LRMDA: variants seen among roughly 807,000 people sequenced by gnomAD.
LRMDA encodes the protein leucine-rich melanocyte differentiation-associated protein.
A neutral mutation model predicts 29.8 loss-of-function variants in LRMDA; 18 were observed. That is an observed-to-expected ratio of 0.60 (90% CI 0.42 to 0.90). The LOEUF (loss-of-function observed/expected upper bound fraction) is 0.90. LRMDA is among the 40% of genes least tolerant of loss of function. The pLI, the probability that LRMDA is intolerant of heterozygous loss-of-function variation, is 0.00. For synonymous variants in LRMDA, 125 were observed against 109.4 expected (o/e 1.14, Z -0.89); for missense variants, 273 against 273.9 (o/e 1.00, Z 0.02).
intron 2 of LRMDA, among the ~76,000 whole-genome samples, chr10:75,646,050 A>C (rs1841516233): frequency 2.9e-5 from 4 of 137,044 alleles, no homozygotes; most frequent in Non-Finnish European, 3.1e-5. Flanking sequence ...CCCCACCTCC[A>C]TCCTCACCCC....
chr10:76,172,371 C>T (rs1470212129), intron 5 of LRMDA, among the ~76,000 whole-genome samples: 2 of 152,284 alleles, frequency 1.3e-5, no homozygotes, highest in East Asian at 3.9e-4. Flanking sequence ...TACAATTGCT[C>T]CAGCCCACCA....
At chr10:75,501,801 G>A (rs55653198) in intron 2 of LRMDA, among the ~76,000 whole-genome samples, 3 of 152,146 alleles carry the variant, frequency 2.0e-5, no homozygotes, top group African/African-American at 4.8e-5. Flanking sequence ...GTGACTTAAC[G>A]TGATCCAAGT....
At chr10:76,025,467 T>C (rs1284134295) in intron 2 of LRMDA, among the ~76,000 whole-genome samples, 1 of 151,790 alleles carries the variant, frequency 6.6e-6, no homozygotes, top group African/African-American at 2.4e-5. Context: ...CGCTGTCCTG[T>C]ATGGTGTCCC....
intron 5 of LRMDA, among the ~76,000 whole-genome samples, chr10:76,141,907 T>G (rs951552669): frequency 1.3e-5 from 2 of 152,102 alleles, no homozygotes; most frequent in African/African-American, 2.4e-5. Flanking sequence ...AACTTTAGTT[T>G]CTTTGTCTTT....
intron 5 of LRMDA, among the ~76,000 whole-genome samples, chr10:76,096,685 T>C (rs1849316743): frequency 6.6e-6 from 1 of 152,172 alleles, no homozygotes; most frequent in Non-Finnish European, 1.5e-5. Flanking sequence ...GACTATGTAG[T>C]GCATTTTTGA....
intron 2 of LRMDA, among the ~76,000 whole-genome samples, chr10:75,579,602 G>A (rs1421701398): frequency 6.6e-6 from 1 of 152,022 alleles, no homozygotes; most frequent in Non-Finnish European, 1.5e-5. Flanking sequence ...ACCAAAACCT[G>A]GCAGAGACAC....
chr10:76,156,242 C>T (rs1181789281), intron 5 of LRMDA, among the ~76,000 whole-genome samples: 2 of 152,134 alleles, frequency 1.3e-5, no homozygotes, highest in African/African-American at 2.4e-5. Context: ...CCAGCAGTCT[C>T]CAAGGGCTCA....
chr10:76,007,479 T>C (rs11001574), intron 2 of LRMDA, among the ~76,000 whole-genome samples: 29,607 of 152,150 alleles, frequency 0.19, 3,244 homozygotes, highest in East Asian at 0.34. Flanking sequence ...TCCTGCGTAT[T>C]GCCCTCTCCC....
intron 5 of LRMDA, among the ~76,000 whole-genome samples, chr10:76,191,031 G>A (rs562702843): frequency 4.6e-5 from 7 of 152,256 alleles, no homozygotes; most frequent in Non-Finnish European, 7.4e-5. Flanking sequence ...GAGATTTACG[G>A]CTTAGGTTGC....
At chr10:75,787,599 C>T (rs1217533568) in intron 2 of LRMDA, among the ~76,000 whole-genome samples, 3 of 152,208 alleles carry the variant, frequency 2.0e-5, no homozygotes, top group East Asian at 1.9e-4. Flanking sequence ...GGCCCAACCC[C>T]TTACCCCTTA....
chr10:76,129,656 T>C (rs1477651815), intron 5 of LRMDA, among the ~76,000 whole-genome samples: 3 of 152,170 alleles, frequency 2.0e-5, no homozygotes, highest in African/African-American at 7.2e-5. Flanking sequence ...TGGATCTTCC[T>C]TCCCTAGGAG....
chr10:76,083,527 A>G (rs112878254), intron 5 of LRMDA, among the ~76,000 whole-genome samples: 1 of 152,210 alleles, frequency 6.6e-6, no homozygotes, highest in Non-Finnish European at 1.5e-5. Context: ...TAACATAGGT[A>G]TAAAATAAAG....
intron 5 of LRMDA, among the ~76,000 whole-genome samples, chr10:76,079,698 TC>T (rs1215967475): frequency 1.3e-5 from 2 of 152,214 alleles, no homozygotes; most frequent in Non-Finnish European, 1.5e-5. Context: ...TGAAAGTATT[TC>T]CTTCCAGGAC....
intron 5 of LRMDA, among the ~76,000 whole-genome samples, chr10:76,249,864 A>C (rs1267281020): frequency 6.6e-6 from 1 of 152,164 alleles, no homozygotes; most frequent in Non-Finnish European, 1.5e-5. Flanking sequence ...GTGCAATGGC[A>C]TGATCTTAGC....
intron 2 of LRMDA, among the ~76,000 whole-genome samples, chr10:75,972,249 CTT>C (rs1011628731): frequency 1.3e-5 from 2 of 151,284 alleles, no homozygotes; most frequent in African/African-American, 4.9e-5. Flanking sequence ...AAGAAGGAGA[CTT>C]TGGAGTCTGG....
chr10:75,939,468 G>C (rs1042941298), intron 2 of LRMDA, among the ~76,000 whole-genome samples: 1 of 152,078 alleles, frequency 6.6e-6, no homozygotes, highest in Non-Finnish European at 1.5e-5. Context: ...TGTGATTTTG[G>C]GGGGCTGGCT....
chr10:76,336,979 C>A (rs535301688), intron 6 of LRMDA, among the ~76,000 whole-genome samples: 1 of 152,204 alleles, frequency 6.6e-6, no homozygotes, highest in South Asian at 2.1e-4. Context: ...TGGAAACTCT[C>A]TGGAACTTTT....
At chr10:75,691,189 G>C (rs12248323) in intron 2 of LRMDA, among the ~76,000 whole-genome samples, 6 of 118,000 alleles carry the variant, frequency 5.1e-5, no homozygotes, top group African/African-American at 1.9e-4. Context: ...TATGTACATA[G>C]ATATATATAC....
At chr10:75,718,349 C>T (rs888657699) in intron 2 of LRMDA, among the ~76,000 whole-genome samples, 1 of 152,160 alleles carries the variant, frequency 6.6e-6, no homozygotes, top group African/African-American at 2.4e-5. Context: ...CAGTTCAGGT[C>T]AGAGACTTGG....
Sources: allele counts gnomAD v4.1 joint callset (sites outside exome capture counted in the v4.1 genomes callset), GRCh38; gene constraint gnomAD v4.1.1; transcripts MANE v1.5; gene names NCBI Gene and HGNC (gene_info 2026-07-23, HGNC 2026-07-21).